The following PPARGC1A variants were observed in gnomAD, a reference collection of about 807,000 sequenced individuals.
PPARGC1A encodes peroxisome proliferator-activated receptor gamma coactivator 1-alpha.
Under a neutral mutation model 88.7 loss-of-function variants are expected in PPARGC1A, and 25 were observed. The ratio of observed to expected loss-of-function variants is 0.28; its 90% CI spans 0.21 to 0.39. PPARGC1A has a LOEUF of 0.39. Among genes scored for constraint, PPARGC1A ranks in the 10% least tolerant of loss-of-function variants. The pLI is 1.00. For synonymous variants in PPARGC1A, 363 were observed against 355.6 expected, an observed-to-expected ratio of 1.02 and a Z score of -0.24; for missense variants, 880 against 968.7, an observed-to-expected ratio of 0.91 and a Z score of 1.22.
At chr4:24,143,839 C>T in the PPARGC1A span, among the ~76,000 whole-genome samples, 1 of 152,216 alleles carries the variant, frequency 6.6e-6, no homozygotes, top group Non-Finnish European at 1.5e-5. Context: ...TCAGAACCGC[C>T]ACTTGGCATT....
At chr4:24,215,420 A>T in the PPARGC1A span, among the ~76,000 whole-genome samples, 1 of 152,222 alleles carries the variant, frequency 6.6e-6, no homozygotes, top group East Asian at 1.9e-4. Flanking sequence ...TAAAAGAATT[A>T]CTAAGACTTT....
chr4:24,155,118 TTTTG>T, the PPARGC1A span, among the ~76,000 whole-genome samples: 2,875 of 139,568 alleles, frequency 0.021, 103 homozygotes, highest in African/African-American at 0.087. Context: ...CGAACCTCGG[TTTTG>T]TTTTTTTTTT....
chr4:23,976,556 T>C, the PPARGC1A span, among the ~76,000 whole-genome samples: 28 of 152,338 alleles, frequency 1.8e-4, no homozygotes, highest in Middle Eastern at 3.4e-3. Context: ...CCAATACTTA[T>C]GTGTTGAAGT....
chr4:23,825,608 C>T (rs369068988), intron 5 of PPARGC1A, among the ~76,000 whole-genome samples: 43 of 152,162 alleles, frequency 2.8e-4, no homozygotes, highest in East Asian at 1.7e-3. Context: ...TTGCATTCAA[C>T]GACTTTAAAG....
the PPARGC1A span, among the ~76,000 whole-genome samples, chr4:24,193,509 T>C: frequency 6.6e-5 from 10 of 152,126 alleles, no homozygotes; most frequent in African/African-American, 1.9e-4. Flanking sequence ...CCCTTCCTAA[T>C]TGCAAGCTAC....
chr4:24,205,347 G>T, the PPARGC1A span, among the ~76,000 whole-genome samples: 108 of 151,892 alleles, frequency 7.1e-4, no homozygotes, highest in Non-Finnish European at 1.1e-3. Flanking sequence ...ATACTTTTTC[G>T]ATGAGTAGAA....
intron 2 of PPARGC1A, among the ~76,000 whole-genome samples, chr4:23,864,374 C>T (rs1170469678): frequency 1.3e-5 from 2 of 152,156 alleles, no homozygotes; most frequent in Non-Finnish European, 2.9e-5. Context: ...TATACTTGGT[C>T]TGTAATTATC....
chr4:24,175,658 G>T, the PPARGC1A span, among the ~76,000 whole-genome samples: 1 of 151,446 alleles, frequency 6.6e-6, no homozygotes, highest in Non-Finnish European at 1.5e-5. Context: ...AAAGTGCTGG[G>T]ATTACAGGCG....
At chr4:24,172,677 G>A in the PPARGC1A span, among the ~76,000 whole-genome samples, 1 of 152,240 alleles carries the variant, frequency 6.6e-6, no homozygotes, top group Non-Finnish European at 1.5e-5. Context: ...CTCCCTGGAA[G>A]GGCCTGGGTT....
chr4:24,023,292 G>A, the PPARGC1A span, among the ~76,000 whole-genome samples: 1 of 152,048 alleles, frequency 6.6e-6, no homozygotes, highest in Admixed American at 6.5e-5. Flanking sequence ...GAAGTTACAG[G>A]AAAAACTCAA....
the PPARGC1A span, among the ~76,000 whole-genome samples, chr4:24,165,758 C>T: frequency 6.6e-6 from 1 of 152,078 alleles, no homozygotes; most frequent in Non-Finnish European, 1.5e-5. Flanking sequence ...TGAACTTGAT[C>T]AATAAACGTG....
chr4:24,052,160 T>C, the PPARGC1A span, among the ~76,000 whole-genome samples: 1 of 152,146 alleles, frequency 6.6e-6, no homozygotes, highest in Non-Finnish European at 1.5e-5. Flanking sequence ...TTGAAAATCA[T>C]ATAAGGGAGG....
At chr4:24,122,385 A>ATGTG in the PPARGC1A span, among the ~76,000 whole-genome samples, 2,406 of 105,752 alleles carry the variant, frequency 0.023, 28 homozygotes, top group South Asian at 0.037. Context: ...GTGTATGCGT[A>ATGTG]TGTGTGTGTG....
chr4:24,255,886 C>T, the PPARGC1A span, among the ~76,000 whole-genome samples: 1 of 152,286 alleles, frequency 6.6e-6, no homozygotes, highest in African/African-American at 2.4e-5. Context: ...GTACCTATCC[C>T]ATAGGGTTGT....
chr4:24,373,421 A>C, the PPARGC1A span, among the ~76,000 whole-genome samples: 1 of 152,248 alleles, frequency 6.6e-6, no homozygotes, highest in Non-Finnish European at 1.5e-5. Flanking sequence ...TTTCCCTATC[A>C]GTGCATATTT....
At chr4:24,404,509 G>A in the PPARGC1A span, among the ~76,000 whole-genome samples, 1 of 152,072 alleles carries the variant, frequency 6.6e-6, no homozygotes, top group Non-Finnish European at 1.5e-5. Context: ...AAGCTGATAA[G>A]CGAAGGCATG....
the PPARGC1A span, among the ~76,000 whole-genome samples, chr4:24,384,865 C>T: frequency 6.6e-6 from 1 of 152,082 alleles, no homozygotes; most frequent in Non-Finnish European, 1.5e-5. Flanking sequence ...ATATTCAGGA[C>T]TTGAACTCAG....
At chr4:24,085,963 G>A in the PPARGC1A span, among the ~76,000 whole-genome samples, 69 of 152,210 alleles carry the variant, frequency 4.5e-4, no homozygotes, top group Admixed American at 1.2e-3. Flanking sequence ...CAATGATTCT[G>A]TATCAGAAAA....
the PPARGC1A span, among the ~76,000 whole-genome samples, chr4:24,389,151 C>A: frequency 2.0e-5 from 3 of 151,994 alleles, no homozygotes; most frequent in Non-Finnish European, 4.4e-5. Flanking sequence ...ATTTTTAAAA[C>A]ATTTTCAGTA....
Sources: gnomAD v4.1 joint callset for allele counts (sites outside exome capture counted in the v4.1 genomes callset) on GRCh38, gnomAD v4.1.1 for gene constraint, MANE v1.5 for transcripts, NCBI Gene and HGNC (gene_info 2026-07-23, HGNC 2026-07-21) for gene names.